Variants in CLYBL observed in about 807,000 individuals in gnomAD.
The protein encoded by CLYBL is citramalyl-CoA lyase, also known as citramalyl-CoA lyase, mitochondrial.
CLYBL carries 31 observed loss-of-function variants against 38.9 expected under a neutral mutation model. That is an observed-to-expected ratio of 0.80 (90% confidence interval 0.60 to 1.08). The LOEUF (loss-of-function observed/expected upper bound fraction) is 1.08, where lower values mean the gene tolerates loss of function less well. CLYBL is among the 50% of genes least tolerant of loss of function. The pLI, the probability that CLYBL is intolerant of heterozygous loss-of-function variation, is 0.00. For synonymous variants in CLYBL, 171 were observed against 158.6 expected (o/e 1.08, Z -0.59); for missense variants, 434 against 411.6 (o/e 1.05, Z -0.47).
At chr13:99,841,278 C>A (rs2051068903) in intron 2 of CLYBL, among the ~76,000 whole-genome samples, 1 of 152,096 alleles carries the variant, frequency 6.6e-6, no homozygotes, top group Non-Finnish European at 1.5e-5. Flanking sequence ...AATGAGAGGT[C>A]TAAAACTAGA....
chr13:99,732,959 TTATTAATGA>T (rs1667534868), intron 1 of CLYBL, among the ~76,000 whole-genome samples: 1 of 152,242 alleles, frequency 6.6e-6, no homozygotes, highest in Admixed American at 6.5e-5. Context: ...TTACAAATAA[TTATTAATGA>T]TACTGTATGA....
chr13:99,750,876 G>A (rs2048943987), intron 1 of CLYBL, among the ~76,000 whole-genome samples: 2 of 151,640 alleles, frequency 1.3e-5, no homozygotes, highest in South Asian at 2.1e-4. Context: ...TACTGGACAC[G>A]GGTACAGCTT....
intron 2 of CLYBL, among the ~76,000 whole-genome samples, chr13:99,803,284 A>G (rs1373616817): frequency 1.3e-5 from 2 of 152,232 alleles, no homozygotes; most frequent in East Asian, 1.9e-4. Context: ...GTGTTGCTAC[A>G]GTCACTAAGG....
At chr13:99,660,774 G>A (rs998513278) in intron 1 of CLYBL, among the ~76,000 whole-genome samples, 2 of 152,034 alleles carry the variant, frequency 1.3e-5, no homozygotes, top group African/African-American at 4.8e-5. Context: ...ACCAGTACTT[G>A]TAAGAGTATT....
At chr13:99,898,064 C>T (rs541115111), downstream of CLYBL, among the ~76,000 whole-genome samples, 17 of 152,296 alleles carry the variant, frequency 1.1e-4, no homozygotes, top group African/African-American at 4.1e-4. Context: ...ACGCTGAAAA[C>T]TCCATCTTAC....
At chr13:99,820,925 T>C (rs1444474046) in intron 2 of CLYBL, among the ~76,000 whole-genome samples, 1 of 152,214 alleles carries the variant, frequency 6.6e-6, no homozygotes, top group Non-Finnish European at 1.5e-5. Context: ...TTACCATACA[T>C]GTTTAATATG....
chr13:99,888,006 C>T (rs140238954), intron 7 of CLYBL, among the ~76,000 whole-genome samples: 3 of 152,236 alleles, frequency 2.0e-5, no homozygotes, highest in East Asian at 3.9e-4. Flanking sequence ...CAGGCACCCA[C>T]GACCATGCCC....
chr13:99,900,431 G>T (rs1030950011), downstream of CLYBL, among the ~76,000 whole-genome samples: 1 of 152,056 alleles, frequency 6.6e-6, no homozygotes, highest in Non-Finnish European at 1.5e-5. Context: ...TGCTGGAGAT[G>T]TTCTGACTGT....
chr13:99,848,845 A>G (rs954919655), intron 2 of CLYBL, among the ~76,000 whole-genome samples: 3 of 152,184 alleles, frequency 2.0e-5, no homozygotes, highest in African/African-American at 4.8e-5. Flanking sequence ...GGTTAATAGT[A>G]TTGGGAAAGA....
At chr13:99,788,296 T>G (rs1419778673) in intron 2 of CLYBL, among the ~76,000 whole-genome samples, 1 of 152,244 alleles carries the variant, frequency 6.6e-6, no homozygotes, top group Admixed American at 6.5e-5. Flanking sequence ...AAGGGAATGC[T>G]TCCAGTTTTT....
At chr13:99,864,933 CTCTT>C (rs779439271) in intron 5 of CLYBL, 22 bp downstream of exon 5, 6 of 1,523,204 alleles carry the variant, frequency 3.9e-6, no homozygotes, top group East Asian at 2.3e-5. Flanking sequence ...ATCTCTCTCT[CTCTT>C]TTTCTGTGTG....
chr13:99,754,013 G>A (rs2049005266), intron 1 of CLYBL, among the ~76,000 whole-genome samples: 1 of 147,436 alleles, frequency 6.8e-6, no homozygotes, highest in Non-Finnish European at 1.5e-5. Context: ...CTTGAACCGG[G>A]GAGGCAGAGG....
chr13:99,775,294 C>G (rs932611636), intron 2 of CLYBL, among the ~76,000 whole-genome samples: 2 of 152,072 alleles, frequency 1.3e-5, no homozygotes, highest in Non-Finnish European at 2.9e-5. Context: ...ATCTGGGTTC[C>G]GAAGCCATCC....
At chr13:99,720,097 T>TG (rs1203044737) in intron 1 of CLYBL, among the ~76,000 whole-genome samples, 4 of 151,878 alleles carry the variant, frequency 2.6e-5, no homozygotes, top group African/African-American at 9.7e-5. Flanking sequence ...TCTCTTTATT[T>TG]TTTTTAAGTT....
At chr13:99,631,378 T>C (rs948632893) in intron 1 of CLYBL, among the ~76,000 whole-genome samples, 4 of 151,740 alleles carry the variant, frequency 2.6e-5, no homozygotes, top group Non-Finnish European at 4.4e-5. Flanking sequence ...TATACACATA[T>C]ATAATTTATA....
chr13:99,883,679 C>T (rs561173301), intron 7 of CLYBL, among the ~76,000 whole-genome samples: 1 of 152,228 alleles, frequency 6.6e-6, no homozygotes, highest in East Asian at 1.9e-4. Flanking sequence ...CCTACCACAC[C>T]CCTTAGTTTT....
chr13:99,736,038 CTTTTTTT>C (rs767129851), intron 1 of CLYBL, among the ~76,000 whole-genome samples: 24 of 76,170 alleles, frequency 3.2e-4, no homozygotes, highest in African/African-American at 7.3e-4. Flanking sequence ...CGTTTCTTTT[CTTTTTTT>C]TTTTTTTTTT....
intron 2 of CLYBL, among the ~76,000 whole-genome samples, chr13:99,848,289 C>T (rs898218320): frequency 4.6e-5 from 7 of 152,172 alleles, no homozygotes; most frequent in Non-Finnish European, 7.3e-5. Context: ...GGGCTTTCAT[C>T]GCCACAACTG....
At chr13:99,908,880 G>A (rs2052723106) in exon 10 of CLYBL, among the ~76,000 whole-genome samples, 1 of 152,150 alleles carries the variant, frequency 6.6e-6, no homozygotes, top group African/African-American at 2.4e-5. Context: ...ATAAACAAAT[G>A]GGAGGTGTTC....
Sources: allele counts gnomAD v4.1 joint callset (sites outside exome capture counted in the v4.1 genomes callset), GRCh38; gene constraint gnomAD v4.1.1; transcripts MANE v1.5; gene names NCBI Gene and HGNC (gene_info 2026-07-23, HGNC 2026-07-21).